Variants in SIPA1L1 observed in about 807,000 individuals in gnomAD.
SIPA1L1 encodes the protein signal induced proliferation associated 1 like 1, also known as signal-induced proliferation-associated 1-like protein 1.
SIPA1L1 carries 26 observed loss-of-function variants against 162.7 expected under a neutral mutation model. That is an observed-to-expected ratio of 0.16 (90% CI 0.12 to 0.22). SIPA1L1 has a LOEUF of 0.22. Among genes scored for constraint, SIPA1L1 ranks in the 10% least tolerant of loss-of-function variants. SIPA1L1 has a pLI of 1.00. For synonymous variants in SIPA1L1, 829 were observed against 837.4 expected (o/e 0.99, Z 0.17); for missense variants, 1,874 against 2,241.0 (o/e 0.84, Z 3.31).
intron 4 of SIPA1L1, among the ~76,000 whole-genome samples, chr14:71,535,868 G>A (rs750339489): frequency 6.6e-6 from 1 of 151,972 alleles, no homozygotes; most frequent in Non-Finnish European, 1.5e-5. Flanking sequence ...TCTGGGCCTC[G>A]CAAAATGCAC....
At chr14:71,642,654 T>G (rs962059248) in intron 7 of SIPA1L1, among the ~76,000 whole-genome samples, 1 of 152,166 alleles carries the variant, frequency 6.6e-6, no homozygotes, top group African/African-American at 2.4e-5. Flanking sequence ...CAAGGTAATA[T>G]TCATAATGTC....
intron 4 of SIPA1L1, among the ~76,000 whole-genome samples, chr14:71,531,984 T>C (rs1595934063): frequency 6.6e-6 from 1 of 152,150 alleles, no homozygotes; most frequent in East Asian, 1.9e-4. Flanking sequence ...TGATAAAGTA[T>C]CAGAGAAAAA....
At chr14:71,540,567 A>G (rs1399659655) in intron 4 of SIPA1L1, among the ~76,000 whole-genome samples, 1 of 152,176 alleles carries the variant, frequency 6.6e-6, no homozygotes, top group Non-Finnish European at 1.5e-5. Context: ...GTGCTGTGTT[A>G]TAGCTAGGAC....
rs576237027 is a variant in SIPA1L1 at position 71,504,226 on chromosome 14, T to C, written c.-464-8517T>C. On this transcript the variant is annotated intron_variant, in intron 2 of 23. Coordinates refer to ENST00000381232, the MANE Select transcript of SIPA1L1 (RefSeq NM_001386936.1). Reference sequence around the variant, plus strand: ...GTTTTCATTATCCTTTTTCCTTAAATGTCATTTTTCCTGTGCTGTAACATG... The same window carrying C: ...GTTTTCATTATCCTTTTTCCTTAAACGTCATTTTTCCTGTGCTGTAACATG... 8.6e-4 allele frequency among the ~76,000 whole-genome samples: 131 copies of C among 152,346 alleles called. 1 individual carries two copies. The South Asian group carries it at 8.7e-3, about 10-fold the overall frequency.
At position 71,527,567 on chromosome 14, in the gene SIPA1L1, G is replaced by A. The variant is rs1423632608; in HGVS notation, c.-361-1745G>A. Among the ~76,000 whole-genome samples, 4 of 151,994 alleles carry A rather than the reference G, an allele frequency of 2.6e-5. No homozygotes were observed. In the East Asian group the frequency reaches 7.7e-4, roughly 29 times the overall value. ...TGAATCTGTCCTTTGGTAGATATAT[G>A]TATTGCAAATATTTCCTTCTGTTTT... is the stretch of plus-strand genomic sequence containing the variant. On this transcript the variant is annotated intron_variant, in intron 3 of 23. Transcript: ENST00000381232.
chr14:71,330,311 A>G, intron 2 of SIPA1L1: 1 of 770,196 alleles, frequency 1.3e-6, no homozygotes, highest in Non-Finnish European at 2.4e-6. Context: ...GAGAGTCCAC[A>G]TGAAGGGCTG....
At chr14:71,590,021 TAAAA>T (rs200463823) in intron 5 of SIPA1L1, among the ~76,000 whole-genome samples, 1,074 of 84,572 alleles carry the variant, frequency 0.013, 7 homozygotes, top group East Asian at 0.065. Flanking sequence ...AGTGGGAGAG[TAAAA>T]AAAAAAAAAA....
At chr14:71,538,881 T>A (rs2054131584) in intron 4 of SIPA1L1, among the ~76,000 whole-genome samples, 1 of 152,248 alleles carries the variant, frequency 6.6e-6, no homozygotes, top group Non-Finnish European at 1.5e-5. Context: ...AGTTACAGTC[T>A]GTTCTTCAGA....
chr14:71,529,126 GAA>G (rs1370286344), intron 3 of SIPA1L1, among the ~76,000 whole-genome samples, 184 bp from the exon 4 acceptor site: 2 of 150,124 alleles, frequency 1.3e-5, no homozygotes, highest in African/African-American at 4.9e-5. Flanking sequence ...AAAAAAAAAA[GAA>G]AGAAATATGA....
rs1034527166 is a variant in SIPA1L1 at position 71,666,829 on chromosome 14, T to C, written c.2256-4290T>C. Among the ~76,000 whole-genome samples, 4 of 146,842 alleles carry C rather than the reference T, an allele frequency of 2.7e-5. No homozygotes were observed. The Admixed American group carries it at 2.8e-4, about 10-fold the overall frequency. ...ATAGGCAGGGAGGAAGCGTGATGCA[T>C]GTCCATTAAATGTCTGTGTTCATCC... On this transcript the variant is annotated intron_variant, in intron 10 of 23. Transcript: ENST00000381232.
At chr14:71,361,533 G>A (rs2037815480) in intron 2 of SIPA1L1, among the ~76,000 whole-genome samples, 2 of 152,138 alleles carry the variant, frequency 1.3e-5, no homozygotes, top group African/African-American at 2.4e-5. Flanking sequence ...CCTGGTCAAC[G>A]GGTTTTCCTG....
intron 2 of SIPA1L1, among the ~76,000 whole-genome samples, chr14:71,399,653 C>T (rs2041504510): frequency 6.6e-6 from 1 of 152,158 alleles, no homozygotes; most frequent in South Asian, 2.1e-4. Context: ...AAACCATCCT[C>T]TCTTCTCTGC....
intron 4 of SIPA1L1, among the ~76,000 whole-genome samples, chr14:71,554,896 GA>G (rs940292213): frequency 2.9e-4 from 44 of 151,186 alleles, no homozygotes; most frequent in African/African-American, 9.2e-4. Flanking sequence ...AAATAACTGG[GA>G]AAAAAAGTAT....
intron 12 of SIPA1L1, among the ~76,000 whole-genome samples, chr14:71,676,467 CT>C (rs201499028): frequency 0.29 from 39,743 of 137,988 alleles, 5,871 homozygotes; most frequent in East Asian, 0.68. Context: ...AGGCATTTTC[CT>C]TTTTTTTTTT....
At chr14:71,700,033 C>A (rs976676912) in intron 14 of SIPA1L1, among the ~76,000 whole-genome samples, 4 of 152,228 alleles carry the variant, frequency 2.6e-5, no homozygotes, top group Admixed American at 6.5e-5. Flanking sequence ...CTCTTCAGGA[C>A]TGGGTATCCC....
At chr14:71,443,050 A>G (rs2045041146) in intron 2 of SIPA1L1, among the ~76,000 whole-genome samples, 1 of 152,230 alleles carries the variant, frequency 6.6e-6, no homozygotes, top group African/African-American at 2.4e-5. Context: ...TGGTTATTGG[A>G]ATATCATTTA....
chr14:71,542,059 A>C (rs974641382), intron 4 of SIPA1L1, among the ~76,000 whole-genome samples: 1 of 152,096 alleles, frequency 6.6e-6, no homozygotes, highest in African/African-American at 2.4e-5. Flanking sequence ...CTTACTTCCC[A>C]GTCCCCCAAC....
At chr14:71,528,271 T>C (rs1274329403) in intron 3 of SIPA1L1, among the ~76,000 whole-genome samples, 1 of 152,206 alleles carries the variant, frequency 6.6e-6, no homozygotes, top group East Asian at 1.9e-4. Flanking sequence ...AATCGAAGCT[T>C]ATTTATCTAG....
In SIPA1L1 at chr14:71,654,131, T is replaced by C. The variant is rs1470361721; in HGVS notation, c.1993+3622T>C. Among the ~76,000 whole-genome samples, 3 of 152,196 alleles carry C rather than the reference T, an allele frequency of 2.0e-5. No individual in the cohort carries two copies. The South Asian group carries it at 6.2e-4, about 31-fold the overall frequency. ...GAGGCTCAGGGAAGTAATGAACTAT[T>C]GAACCATTTCTTCTTTTTCCCAGTT... On this transcript the variant is annotated intron_variant, in intron 8 of 23. Transcript: ENST00000381232.
Sources: gnomAD v4.1 joint callset for allele counts (sites outside exome capture counted in the v4.1 genomes callset) on GRCh38, gnomAD v4.1.1 for gene constraint, MANE v1.5 for transcripts, NCBI Gene and HGNC (gene_info 2026-07-23, HGNC 2026-07-21) for gene names.